Variants in MAGI1 observed in about 807,000 individuals in gnomAD.
MAGI1 encodes membrane associated guanylate kinase, WW and PDZ domain containing 1.
A neutral mutation model predicts 139.9 loss-of-function variants in MAGI1; 58 were observed. The observed-to-expected ratio is 0.41, with a 90% CI of 0.34 to 0.52. The LOEUF (loss-of-function observed/expected upper bound fraction) is 0.52, where lower values mean the gene tolerates loss of function less well. Ranked by LOEUF, MAGI1 falls within the 20% of genes least tolerant of loss-of-function variation. The pLI is 0.12. For synonymous variants in MAGI1, 812 were observed against 737.9 expected (o/e 1.10, Z -1.63); for missense variants, 1,874 against 1,901.6 (o/e 0.99, Z 0.27).
chr3:65,364,829 CA>C (rs1430529374), intron 19 of MAGI1, 23 bp downstream of exon 19: 2 of 1,613,132 alleles, frequency 1.2e-6, no homozygotes, highest in African/African-American at 1.3e-5. Context: ...TCCCCTTTAA[CA>C]AAGGAAACCA....
At chr3:65,960,472 T>C (rs1349208169) in intron 1 of MAGI1, among the ~76,000 whole-genome samples, 1 of 152,138 alleles carries the variant, frequency 6.6e-6, no homozygotes, top group Non-Finnish European at 1.5e-5. Flanking sequence ...CATCTGACTA[T>C]AGGGCGGTTT....
intron 1 of MAGI1, among the ~76,000 whole-genome samples, chr3:65,903,704 T>G (rs1479337850): frequency 6.6e-6 from 1 of 152,082 alleles, no homozygotes; most frequent in Admixed American, 6.6e-5. Context: ...TTGCCTAAAA[T>G]CAGGCACAGA....
chr3:65,807,128 C>T (rs1317682186), intron 1 of MAGI1, among the ~76,000 whole-genome samples: 1 of 152,068 alleles, frequency 6.6e-6, no homozygotes, highest in African/African-American at 2.4e-5. Context: ...AGTTAAATGC[C>T]CTATTTAAGG....
chr3:65,860,111 G>C (rs528289921), intron 1 of MAGI1, among the ~76,000 whole-genome samples: 32 of 152,076 alleles, frequency 2.1e-4, no homozygotes, highest in African/African-American at 7.7e-4. Context: ...GGTCAGACTG[G>C]TGTCGAACTC....
intron 2 of MAGI1, among the ~76,000 whole-genome samples, chr3:65,575,632 G>T (rs1461173263): frequency 2.0e-5 from 3 of 152,100 alleles, no homozygotes; most frequent in Non-Finnish European, 4.4e-5. Context: ...ACCTATCAAT[G>T]GGTGAATAAA....
chr3:65,835,984 C>A (rs2042782529), intron 1 of MAGI1, among the ~76,000 whole-genome samples: 1 of 152,070 alleles, frequency 6.6e-6, no homozygotes, highest in South Asian at 2.1e-4. Flanking sequence ...CACATCACTG[C>A]AGGCAAGCAA....
At chr3:65,462,433 A>T (rs9985350) in intron 5 of MAGI1, among the ~76,000 whole-genome samples, 4 of 152,166 alleles carry the variant, frequency 2.6e-5, no homozygotes, top group Admixed American at 6.5e-5. Context: ...GGTTGTAGAT[A>T]TGTGGTGTTA....
chr3:65,362,491 A>C (rs534685336), intron 21 of MAGI1, among the ~76,000 whole-genome samples: 1 of 152,180 alleles, frequency 6.6e-6, no homozygotes, highest in East Asian at 1.9e-4. Flanking sequence ...ATATGAGAGA[A>C]ACTGGTATAC....
intron 1 of MAGI1, among the ~76,000 whole-genome samples, chr3:65,988,094 C>G (rs1421164667): frequency 6.6e-6 from 1 of 152,208 alleles, no homozygotes; most frequent in African/African-American, 2.4e-5. Context: ...CAAAAAACCT[C>G]TCAGCTTTTC....
chr3:66,002,376 A>G (rs1446439584), intron 1 of MAGI1, among the ~76,000 whole-genome samples: 1 of 151,782 alleles, frequency 6.6e-6, no homozygotes, highest in African/African-American at 2.4e-5. Flanking sequence ...ACCATTTCCA[A>G]TTTTATTTGT....
chr3:65,542,400 A>G (rs923668314), intron 2 of MAGI1, among the ~76,000 whole-genome samples: 8 of 152,240 alleles, frequency 5.3e-5, no homozygotes, highest in Non-Finnish European at 1.0e-4. Context: ...GACTTTCTTC[A>G]CAGAATTAGA....
intron 1 of MAGI1, among the ~76,000 whole-genome samples, chr3:65,700,860 T>A (rs1471916291): frequency 6.6e-6 from 1 of 152,216 alleles, no homozygotes; most frequent in Non-Finnish European, 1.5e-5. Flanking sequence ...TAATTAAATA[T>A]TAAGTGCAAA....
intron 1 of MAGI1, among the ~76,000 whole-genome samples, chr3:65,833,745 T>G (rs1006857569): frequency 6.6e-6 from 1 of 152,236 alleles, no homozygotes. Flanking sequence ...GGCTTCAGCA[T>G]GCTTTTGAGC....
chr3:65,891,454 A>C (rs2060742899), intron 1 of MAGI1, among the ~76,000 whole-genome samples: 1 of 152,042 alleles, frequency 6.6e-6, no homozygotes, highest in South Asian at 2.1e-4. Flanking sequence ...CTTAAAGCAC[A>C]ACGGGAAGAG....
intron 1 of MAGI1, among the ~76,000 whole-genome samples, chr3:66,033,069 C>T (rs2068726255): frequency 6.6e-6 from 1 of 151,848 alleles, no homozygotes; most frequent in Non-Finnish European, 1.5e-5. Flanking sequence ...CACTCTGTCA[C>T]CCAGGCTGGA....
chr3:65,473,548 T>A, intron 4 of MAGI1, among the ~76,000 whole-genome samples: 1 of 150,784 alleles, frequency 6.6e-6, no homozygotes, highest in East Asian at 2.0e-4. Context: ...TTAACCTATT[T>A]TAATAGAAAC....
intron 1 of MAGI1, among the ~76,000 whole-genome samples, chr3:65,738,569 G>C (rs533968397): frequency 5.1e-4 from 78 of 152,230 alleles, no homozygotes; most frequent in African/African-American, 1.7e-3. Context: ...CACTATCTAC[G>C]GCAGCTATAG....
chr3:65,361,222 C>A lies in MAGI1; in HGVS notation c.3611G>T (p.Gly1204Val). ...GRRVRLFLKRGDGSVPEYDPS... is the reference protein window; with the variant it reads ...GRRVRLFLKRVDGSVPEYDPS... ...ACCATATTCTGGTACTGAGCCGTCT[C>A]CCCGCTTCAGAAACAGACGAACTCT... Residue 1204 changes from glycine to valine, a missense_variant, in exon 22 of 23, where the codon GGA (glycine) becomes GTA (valine). By Grantham distance (109) the Gly-to-Val change is moderately radical. Around this residue, in one of 5 missense-constraint regions of MAGI1, gnomAD observed 653 missense variants for 644.5 expected, o/e 1.01. Transcript: ENST00000402939. 6.2e-7 allele frequency: 1 copy of A among 1,614,162 alleles called. No individual in the cohort carries two copies. The highest frequency in any genetic ancestry group is 8.5e-7 in the Non-Finnish European group (1 of 1,180,012).
intron 1 of MAGI1, among the ~76,000 whole-genome samples, chr3:65,813,769 G>T (rs1205918400): frequency 6.6e-6 from 1 of 152,208 alleles, no homozygotes; most frequent in African/African-American, 2.4e-5. Flanking sequence ...TTATAATAGG[G>T]AGATAATGGT....
Sources: allele counts gnomAD v4.1 joint callset (sites outside exome capture counted in the v4.1 genomes callset), GRCh38; gene constraint gnomAD v4.1.1; regional missense constraint gnomAD v4.1.1; transcripts MANE v1.5; gene names NCBI Gene and HGNC (gene_info 2026-07-23, HGNC 2026-07-21).